Variants in GALNT13 observed in about 807,000 individuals in gnomAD.
GALNT13 encodes polypeptide N-acetylgalactosaminyltransferase 13.
A neutral mutation model predicts 64.2 loss-of-function variants in GALNT13; 28 were observed. That is an observed-to-expected ratio of 0.44 (90% CI 0.32 to 0.60). The LOEUF is 0.60. GALNT13 is among the 20% of genes least tolerant of loss of function. The pLI is 0.05. For missense variants in GALNT13, 577 were observed against 669.8 expected (o/e 0.86, Z 1.53); for synonymous variants, 214 against 224.6 (o/e 0.95, Z 0.42).
chr2:153,938,632 C>G (rs1691117484), intron 2 of GALNT13, among the ~76,000 whole-genome samples: 1 of 152,146 alleles, frequency 6.6e-6, no homozygotes, highest in African/African-American at 2.4e-5. Context: ...TATTTTCTCT[C>G]ACATTTCTGG....
In GALNT13 at chr2:154,102,799, G is replaced by C. The variant is rs577059157; in HGVS notation, c.143-37538G>C. ...TTAAGTTTCGTAATATTTGTTTTATGAATCTGAGTGCTTGGGTATAGAGTG... is the reference window on the plus strand; with the variant it reads ...TTAAGTTTCGTAATATTTGTTTTATCAATCTGAGTGCTTGGGTATAGAGTG... On this transcript the variant is annotated intron_variant, in intron 3 of 12. Transcript: ENST00000392825. Among the ~76,000 whole-genome samples the C allele has an allele frequency of 1.9e-4, 29 of 152,248 alleles. No individual in the cohort carries two copies. In the East Asian group the frequency reaches 5.6e-3, roughly 29 times the overall value.
intron 3 of GALNT13, among the ~76,000 whole-genome samples, chr2:154,105,356 C>A (rs1221311974): frequency 6.6e-6 from 1 of 152,044 alleles, no homozygotes; most frequent in Non-Finnish European, 1.5e-5. Context: ...TGACACTGGT[C>A]CCATTAGATT....
intron 3 of GALNT13, among the ~76,000 whole-genome samples, chr2:153,958,060 GT>G (rs1209798482): frequency 6.6e-6 from 1 of 152,176 alleles, no homozygotes; most frequent in Non-Finnish European, 1.5e-5. Context: ...ATGGACACAG[GT>G]TTGACTTTAG....
At position 153,958,440 on chromosome 2, in the gene GALNT13, T is replaced by C. The variant is rs563180594; in HGVS notation, c.142+13801T>C. 2.4e-4 allele frequency among the ~76,000 whole-genome samples: 36 copies of C among 152,326 alleles called. No homozygotes were observed. In the South Asian group the frequency reaches 6.8e-3, roughly 29 times the overall value. On this transcript the variant is annotated intron_variant, in intron 3 of 12. Coordinates refer to ENST00000392825, the MANE Select transcript of GALNT13 (RefSeq NM_052917.4). ...AATTGTAAAGTATCATTATAACATA[T>C]AGAACCATGTTTAGGCCAAATGTGT...
intron 9 of GALNT13, among the ~76,000 whole-genome samples, chr2:154,382,088 C>A (rs1285488113): frequency 1.3e-5 from 2 of 152,060 alleles, no homozygotes; most frequent in East Asian, 3.9e-4. Flanking sequence ...CACCAGAAAA[C>A]AAACTACATT....
At chr2:153,659,093 G>A in the GALNT13 span, among the ~76,000 whole-genome samples, 1 of 152,012 alleles carries the variant, frequency 6.6e-6, no homozygotes, top group South Asian at 2.1e-4. Context: ...TTCCACACAT[G>A]TATTTCAACA....
intron 11 of GALNT13, chr2:154,436,219 T>C (rs1003071001): frequency 6.6e-6 from 1 of 152,190 alleles, no homozygotes; most frequent in African/African-American, 2.4e-5. Context: ...AGCAGACATA[T>C]AATTTATATA....
Position 153,944,392 on chromosome 2 carries a change from A to T in GALNT13, c.-104-2A>T. ...GAAATTTTCTTCTTTGTTTTAATGC[A>T]GTGGAATGTATCCTGCTTTCATCTT... On this transcript the variant is annotated splice_acceptor_variant, in intron 2 of 12. Coordinates refer to ENST00000392825, the MANE Select transcript of GALNT13 (RefSeq NM_052917.4). LOFTEE classifies it low-confidence loss of function (5UTR_SPLICE). The T allele has an allele frequency of 6.4e-6, 6 of 932,020 alleles. No homozygotes were observed. The highest frequency in any genetic ancestry group is 9.7e-6 in the Non-Finnish European group (6 of 617,178). 57.7% of individuals were successfully genotyped at this position (932,020 alleles called of 1,614,324 possible).
chr2:154,088,543 C>T (rs1197099858), intron 3 of GALNT13, among the ~76,000 whole-genome samples: 2 of 152,180 alleles, frequency 1.3e-5, no homozygotes, highest in Non-Finnish European at 2.9e-5. Flanking sequence ...CCTCCGCCTC[C>T]CAGGTTCAAG....
At chr2:153,874,746 G>A (rs947682283) in intron 1 of GALNT13, among the ~76,000 whole-genome samples, 1 of 152,108 alleles carries the variant, frequency 6.6e-6, no homozygotes, top group Admixed American at 6.6e-5. Flanking sequence ...TGGTAATTGA[G>A]AACTAGTAGA....
the GALNT13 span, among the ~76,000 whole-genome samples, chr2:153,162,564 C>G: frequency 6.6e-6 from 1 of 152,140 alleles, no homozygotes; most frequent in African/African-American, 2.4e-5. Context: ...TGGGAAGAGT[C>G]ACACTTCCAC....
the GALNT13 span, among the ~76,000 whole-genome samples, chr2:153,146,171 G>A: frequency 6.5e-5 from 9 of 139,454 alleles, no homozygotes; most frequent in African/African-American, 2.3e-4. Context: ...TTTATGGAGG[G>A]TTTTTTTTTT....
At chr2:153,348,310 A>G in the GALNT13 span, among the ~76,000 whole-genome samples, 1 of 152,218 alleles carries the variant, frequency 6.6e-6, no homozygotes, top group African/African-American at 2.4e-5. Context: ...TCTCTATGCC[A>G]TTGTGCATAA....
chr2:154,310,226 C>G (rs1010781039), intron 9 of GALNT13, among the ~76,000 whole-genome samples: 2 of 152,068 alleles, frequency 1.3e-5, no homozygotes, highest in Non-Finnish European at 2.9e-5. Flanking sequence ...ATTTCTTACC[C>G]CCACTAAATG....
At chr2:153,637,980 A>T in the GALNT13 span, among the ~76,000 whole-genome samples, 1 of 152,150 alleles carries the variant, frequency 6.6e-6, no homozygotes, top group African/African-American at 2.4e-5. Flanking sequence ...GGGAGGGATT[A>T]AGGTGAGACG....
At chr2:154,250,094 TAAAATGG>T (rs2105885881) in intron 7 of GALNT13, among the ~76,000 whole-genome samples, 1 of 152,228 alleles carries the variant, frequency 6.6e-6, no homozygotes, top group South Asian at 2.1e-4. Context: ...TTCTCAACTA[TAAAATGG>T]AAAATTATTC....
the GALNT13 span, among the ~76,000 whole-genome samples, chr2:153,635,543 A>T: frequency 6.6e-6 from 1 of 151,604 alleles, no homozygotes; most frequent in Non-Finnish European, 1.5e-5. Flanking sequence ...AAATTTTGTG[A>T]TACTAAAAGT....
the GALNT13 span, among the ~76,000 whole-genome samples, chr2:153,629,024 G>A: frequency 3.9e-5 from 6 of 151,982 alleles, no homozygotes; most frequent in Non-Finnish European, 7.4e-5. Context: ...CAATTTCAGA[G>A]CCTGTTATTG....
the GALNT13 span, among the ~76,000 whole-genome samples, chr2:153,858,426 C>A: frequency 6.6e-6 from 1 of 152,018 alleles, no homozygotes; most frequent in South Asian, 2.1e-4. Flanking sequence ...ATTCAAGGAG[C>A]GCAGGGAGAG....
Sources: gnomAD v4.1 joint callset for allele counts (sites outside exome capture counted in the v4.1 genomes callset) on GRCh38, gnomAD v4.1.1 for gene constraint, MANE v1.5 for transcripts, NCBI Gene and HGNC (gene_info 2026-07-23, HGNC 2026-07-21) for gene names.